PCDHGA4: variants seen among roughly 807,000 people sequenced by gnomAD.
PCDHGA4 encodes the protein protocadherin gamma-A4.
PCDHGA4 carries 38 observed loss-of-function variants against 54.6 expected under a neutral mutation model. That is an observed-to-expected ratio of 0.70 (90% confidence interval 0.54 to 0.91). PCDHGA4 has a LOEUF of 0.91. Ranked by LOEUF, PCDHGA4 falls within the 40% of genes least tolerant of loss-of-function variation. The pLI is 0.00. For synonymous variants in PCDHGA4, 511 were observed against 512.9 expected (o/e 1.00, Z 0.05); for missense variants, 1,298 against 1,220.9 (o/e 1.06, Z -0.94).
intron 1 of PCDHGA4, among the ~76,000 whole-genome samples, chr5:141,455,445 C>T (rs1175054167): frequency 6.6e-6 from 1 of 152,134 alleles, no homozygotes; most frequent in Non-Finnish European, 1.5e-5. Context: ...TCCCCATCTA[C>T]CGCGGATACC....
At chr5:141,381,835 T>C (rs1342005630) in intron 1 of PCDHGA4, among the ~76,000 whole-genome samples, 58 of 141,162 alleles carry the variant, frequency 4.1e-4, no homozygotes, top group African/African-American at 1.5e-3. Context: ...TCTTTTTTTT[T>C]TTTTTTTTTT....
chr5:141,492,499 C>T (rs2099741220), intron 1 of PCDHGA4, among the ~76,000 whole-genome samples: 1 of 152,198 alleles, frequency 6.6e-6, no homozygotes. Context: ...GGCGAGGACT[C>T]CGGAGCCTCC....
chr5:141,415,750 T>G lies in PCDHGA4; in HGVS notation c.2514+58129T>G, dbSNP rs758016978. 309 of 1,313,170 alleles carry G rather than the reference T, an allele frequency of 2.4e-4. No individual in the cohort carries two copies. In the East Asian group the frequency reaches 2.9e-3, roughly 12 times the overall value. 81.3% of individuals were successfully genotyped at this position (1,313,170 alleles called of 1,614,324 possible). On this transcript the variant is annotated intron_variant, in intron 1 of 3. Coordinates refer to ENST00000571252, the MANE Select transcript of PCDHGA4 (RefSeq NM_018917.4). Reference sequence around the variant, plus strand: ...TTGATGTTTATTAAGGTTTTTTTTTTTTTTTTTTTTTTTTTTTTTTTTACT... The same window carrying G: ...TTGATGTTTATTAAGGTTTTTTTTTGTTTTTTTTTTTTTTTTTTTTTTACT...
intron 1 of PCDHGA4, chr5:141,371,929 G>A: frequency 6.2e-7 from 1 of 1,613,366 alleles, no homozygotes; most frequent in South Asian, 1.1e-5. Flanking sequence ...GCGCGGAGCG[G>A]GGTGGTGTTC....
rs781173890 is a variant in PCDHGA4, at chr5:141,476,165, G to T, written c.2515-18642G>T. 5.3e-5 allele frequency: 86 copies of T among 1,613,106 alleles called. No individual in the cohort carries two copies. Among genetic ancestry groups the T allele is most frequent in the Non-Finnish European group, 7.2e-5 (85 of 1,179,976 alleles). On this transcript the variant is annotated intron_variant, in intron 1 of 3. Transcript: ENST00000571252. The surrounding 1 kb of genome is among the most constrained non-coding windows in gnomAD (Gnocchi z 7.6). ...CGGACTGGTAAGCACCGGGAGGGTA[G>T]TGGGAGTTTTGCTTCTGCTTGGTGC...
chr5:141,403,832 C>T (rs374600582), intron 1 of PCDHGA4: 1 of 1,613,684 alleles, frequency 6.2e-7, no homozygotes, highest in Non-Finnish European at 8.5e-7. Context: ...GCTATTCCAG[C>T]TTAATGAAAA....
chr5:141,384,914 T>C, intron 1 of PCDHGA4: 1 of 1,613,988 alleles, frequency 6.2e-7, no homozygotes, highest in Non-Finnish European at 8.5e-7. Flanking sequence ...CCCGAAGTCT[T>C]GGCCGACCTG....
intron 1 of PCDHGA4, chr5:141,442,449 T>TA (rs1488731055): frequency 6.6e-6 from 1 of 152,210 alleles, no homozygotes; most frequent in African/African-American, 2.4e-5. Context: ...CAGGACTCAA[T>TA]AGCAGTTTCA....
chr5:141,390,446 G>A, intron 1 of PCDHGA4: 1 of 862,526 alleles, frequency 1.2e-6, no homozygotes, highest in Non-Finnish European at 1.7e-6. Context: ...CTACAAAGGA[G>A]GAGTAAAGTA....
Position 141,490,012 on chromosome 5 carries a change from G to A in PCDHGA4, c.2515-4795G>A. 1 of 1,614,232 alleles carries A rather than the reference G, an allele frequency of 6.2e-7. No homozygotes were observed. Among genetic ancestry groups the A allele is most frequent in the Non-Finnish European group, 8.5e-7 (1 of 1,180,044 alleles). ...GGGAATCCCAGAGAATGCACCCATT[G>A]GTACTCTGCTGCTCCGCCTCAATGC... is the stretch of plus-strand genomic sequence containing the variant. On this transcript the variant is annotated intron_variant, in intron 1 of 3. Transcript: ENST00000571252. This position sits in a 1 kb window ranked among gnomAD's most constrained non-coding sequence, Gnocchi z 5.4.
chr5:141,490,215 G>C lies in PCDHGA4; in HGVS notation c.2515-4592G>C. 6.2e-7 allele frequency: 1 copy of C among 1,614,254 alleles called. No individual in the cohort carries two copies. Among genetic ancestry groups the C allele is most frequent in the African/African-American group, 1.3e-5 (1 of 75,078 alleles). On this transcript the variant is annotated intron_variant, in intron 1 of 3. Coordinates refer to ENST00000571252, the MANE Select transcript of PCDHGA4 (RefSeq NM_018917.4). The surrounding 1 kb of genome is among the most constrained non-coding windows in gnomAD (Gnocchi z 5.4). ...AAATTCATGCAAGAGCCCGTGACCA[G>C]GGACAGCCTGCCATGGAGGGCCACT... is the stretch of plus-strand genomic sequence containing the variant.
In PCDHGA4 at chr5:141,486,885, G is replaced by C. The variant is rs139638334; in HGVS notation, c.2515-7922G>C. 1.2e-6 allele frequency: 2 copies of C among 1,614,076 alleles called. No individual in the cohort carries two copies. Among genetic ancestry groups the C allele is most frequent in the East Asian group, 4.5e-5 (2 of 44,892 alleles). On this transcript the variant is annotated intron_variant, in intron 1 of 3. Coordinates refer to ENST00000571252, the MANE Select transcript of PCDHGA4 (RefSeq NM_018917.4). This position sits in a 1 kb window ranked among gnomAD's most constrained non-coding sequence, Gnocchi z 5.0. ...CCAGCTGTGCTCCGTCCTCGGGCCC[G>C]GCCTGGTTCCTTATGTCCCCAAGCA...
chr5:141,370,428 G>T (rs1480841045), intron 1 of PCDHGA4: 2 of 1,598,192 alleles, frequency 1.3e-6, no homozygotes, highest in Non-Finnish European at 1.7e-6. Context: ...GGGCCCAGCA[G>T]GGCAGAGGCG....
chr5:141,496,440 A>G (rs2099768848), intron 2 of PCDHGA4, among the ~76,000 whole-genome samples: 1 of 152,158 alleles, frequency 6.6e-6, no homozygotes, highest in South Asian at 2.1e-4. Flanking sequence ...AAGTTGCTAC[A>G]GATGCTGAGC....
intron 1 of PCDHGA4, chr5:141,421,848 T>C (rs571838248): frequency 4.9e-5 from 79 of 1,613,634 alleles, no homozygotes; most frequent in Non-Finnish European, 6.0e-5. Flanking sequence ...AGAAAGAGGC[T>C]GCTCACCTGC....
At chr5:141,496,076 C>A (rs2099765713) in intron 2 of PCDHGA4, among the ~76,000 whole-genome samples, 1 of 152,010 alleles carries the variant, frequency 6.6e-6, no homozygotes, top group Non-Finnish European at 1.5e-5. Context: ...GCACACACAA[C>A]CCCCCACCCA....
Position 141,477,148 on chromosome 5 carries a change from T to A in PCDHGA4, c.2515-17659T>A. 1 of 1,614,172 alleles carries A rather than the reference T, an allele frequency of 6.2e-7. No individual in the cohort carries two copies. Among genetic ancestry groups the A allele is most frequent in the African/African-American group, 1.3e-5 (1 of 75,050 alleles). On this transcript the variant is annotated intron_variant, in intron 1 of 3. Transcript: ENST00000571252. This position sits in a 1 kb window ranked among gnomAD's most constrained non-coding sequence, Gnocchi z 4.9. ...GCAAAGTGTTGGTGGAGGTTGTGGA[T>A]GTGAATGACAACGCCCCGGAGATCA...
rs1396744157 is a variant in PCDHGA4 at position 141,432,439 on chromosome 5, C to G, written c.2515-62368C>G. 22 of 1,614,108 alleles carry G rather than the reference C, an allele frequency of 1.4e-5. No individual in the cohort carries two copies. The highest frequency in any genetic ancestry group is 1.7e-5 in the Non-Finnish European group (20 of 1,180,052). On this transcript the variant is annotated intron_variant, in intron 1 of 3. Coordinates refer to ENST00000571252, the MANE Select transcript of PCDHGA4 (RefSeq NM_018917.4). This position sits in a 1 kb window ranked among gnomAD's most constrained non-coding sequence, Gnocchi z 6.0. ...TGCTGGACCAGAACGACAATGCGCCCGAGATCCTGTACCCCGCCCTCCCCA... is the reference window on the plus strand; with the variant it reads ...TGCTGGACCAGAACGACAATGCGCCGGAGATCCTGTACCCCGCCCTCCCCA...
intron 1 of PCDHGA4, chr5:141,372,040 G>C (rs1768337326): frequency 6.2e-7 from 1 of 1,613,472 alleles, no homozygotes; most frequent in Middle Eastern, 1.7e-4. Flanking sequence ...GTGAGCCTGC[G>C]CGTGTTGGTG....
Sources: gnomAD v4.1 joint callset for allele counts (sites outside exome capture counted in the v4.1 genomes callset) on GRCh38, gnomAD v4.1.1 for gene constraint, Gnocchi (gnomAD v3.1) non-coding constraint, MANE v1.5 for transcripts, NCBI Gene and HGNC (gene_info 2026-07-23, HGNC 2026-07-21) for gene names.